Variants in MTR observed in about 807,000 individuals in gnomAD.
MTR encodes the protein 5-methyltetrahydrofolate-homocysteine methyltransferase.
MTR carries 84 observed loss-of-function variants against 154.8 expected under a neutral mutation model. The observed-to-expected ratio is 0.54, with a 90% CI of 0.45 to 0.65. The LOEUF (loss-of-function observed/expected upper bound fraction) is 0.65, where lower values mean the gene tolerates loss of function less well. MTR is among the 30% of genes least tolerant of loss of function. MTR has a pLI of 0.00. For missense variants in MTR, 1,275 were observed against 1,570.2 expected (o/e 0.81, Z 3.18); for synonymous variants, 554 against 553.9 (o/e 1.00, Z 0.00).
intron 20 of MTR, 80 bp downstream of exon 20, chr1:236,861,357 C>G: frequency 6.3e-7 from 1 of 1,593,072 alleles, no homozygotes; most frequent in Non-Finnish European, 8.6e-7. Context: ...GGATATATTT[C>G]TCAGGTTTTA....
chr1:236,803,640 A>G lies in MTR; in HGVS notation c.247A>G (p.Lys83Glu). The change falls in exon 2 of 33, where the codon AAG becomes GAG. Residue 83 changes from lysine (K) to glutamate (E), a missense_variant and splice_region_variant. Lys to Glu is a moderately conservative substitution (Grantham distance 56). Transcript: ENST00000366577. ...TQPDVIYQIH[K>E]EYLLAGADII... ...GCCTGATGTCATTTACCAAATCCATAAGGTAAAGTATTCCCAGGTTCCCAT... is the reference window on the plus strand; with the variant it reads ...GCCTGATGTCATTTACCAAATCCATGAGGTAAAGTATTCCCAGGTTCCCAT... 1 of 1,612,954 alleles carries G rather than the reference A, an allele frequency of 6.2e-7. No homozygotes were observed. The highest frequency in any genetic ancestry group is 8.5e-7 in the Non-Finnish European group (1 of 1,179,044).
chr1:236,795,323 G>A lies in MTR; in HGVS notation c.-381G>A, dbSNP rs1057139097. On this transcript the variant is annotated 5_prime_UTR_variant, in exon 1 of 33. The change abolishes an upstream ATG in the 5' untranslated region. Transcript: ENST00000366577. ...AACCGCGCTCTGAAAGGTTCTAAAT[G>A]TCTGCGGGGCTCAGAGCCGGATGTC... 2.4e-6 allele frequency: 3 copies of A among 1,274,084 alleles called. No homozygotes were observed. The highest frequency in any genetic ancestry group is 1.5e-5 in the African/African-American group (1 of 65,922). The allele number at this position is 1,274,084 out of a possible 1,614,324, so 78.9% of individuals were successfully genotyped here.
intron 18 of MTR, among the ~76,000 whole-genome samples, chr1:236,856,522 TTTC>T (rs1022782927): frequency 2.0e-5 from 3 of 152,008 alleles, no homozygotes; most frequent in South Asian, 2.1e-4. Context: ...TTTCTTTTTT[TTTC>T]TTCTTCTATT....
chr1:236,820,567 G>A, intron 8 of MTR: 4 of 531,616 alleles, frequency 7.5e-6, no homozygotes, highest in Non-Finnish European at 6.6e-6. Flanking sequence ...AAGGCTGATG[G>A]AAAATAAGCG....
intron 1 of MTR, among the ~76,000 whole-genome samples, chr1:236,798,764 T>C (rs995808888): frequency 2.0e-5 from 3 of 152,232 alleles, no homozygotes; most frequent in Non-Finnish European, 4.4e-5. Context: ...AGTAGTTAAG[T>C]ATACAGAATG....
intron 29 of MTR, among the ~76,000 whole-genome samples, chr1:236,893,378 AATTG>A (rs1666441026): frequency 6.6e-6 from 1 of 152,138 alleles, no homozygotes; most frequent in African/African-American, 2.4e-5. Context: ...CTCATTGATT[AATTG>A]ATCAGTCCTG....
At chr1:236,858,397 C>T (rs965547544) in intron 18 of MTR, among the ~76,000 whole-genome samples, 7 of 152,130 alleles carry the variant, frequency 4.6e-5, no homozygotes, top group African/African-American at 1.7e-4. Context: ...TGGGTCCCTC[C>T]CACGACGTGT....
At chr1:236,806,655 T>C (rs1166203432) in intron 3 of MTR, among the ~76,000 whole-genome samples, 1 of 152,176 alleles carries the variant, frequency 6.6e-6, no homozygotes, top group Non-Finnish European at 1.5e-5. Context: ...ACATTCACAG[T>C]ATTGTGCTAT....
chr1:236,848,063 A>T (rs540749991), intron 15 of MTR, among the ~76,000 whole-genome samples: 3 of 152,348 alleles, frequency 2.0e-5, no homozygotes, highest in South Asian at 4.1e-4. Flanking sequence ...GAGGTTGAGT[A>T]TCTGTTAATG....
chr1:236,892,646 G>T (rs571182252), intron 29 of MTR, among the ~76,000 whole-genome samples: 10 of 152,306 alleles, frequency 6.6e-5, no homozygotes, highest in Middle Eastern at 3.4e-3. Flanking sequence ...CTTACCATAT[G>T]CACTTAGGCT....
chr1:236,805,735 C>T lies in MTR; in HGVS notation c.250-409C>T, dbSNP rs764303525. Among the ~76,000 whole-genome samples the T allele has an allele frequency of 1.3e-4, 20 of 152,202 alleles. 1 individual carries two copies. In the Middle Eastern group the frequency reaches 0.014, roughly 104 times the overall value. Reference sequence around the variant, plus strand: ...CTGGTCTTGAACTCCTGGCCTCAAGCAGTCCTCTCACCTTGGCTTCCCAAA... The same window carrying T: ...CTGGTCTTGAACTCCTGGCCTCAAGTAGTCCTCTCACCTTGGCTTCCCAAA... On this transcript the variant is annotated intron_variant, in intron 2 of 32. Coordinates refer to ENST00000366577, the MANE Select transcript of MTR (RefSeq NM_000254.3).
In MTR at chr1:236,812,794, G is replaced by A. The variant is rs372174747; in HGVS notation, c.559G>A (p.Gly187Arg). 27 of 1,613,962 alleles carry A rather than the reference G, an allele frequency of 1.7e-5. No individual in the cohort carries two copies. Among genetic ancestry groups the A allele is most frequent in the African/African-American group, 4.0e-5 (3 of 74,898 alleles). ...QEQAKGLLDG[G>R]VDILLIETIF... is the part of the protein sequence containing the mutation. ...GCAGGCCAAAGGACTTCTGGATGGC[G>A]GGGTTGATATCTTACTCATTGAAAC... The change falls in exon 6 of 33, where the codon GGG becomes AGG. Residue 187 changes from glycine to arginine, a missense_variant. Transcript: ENST00000366577.
chr1:236,891,099 C>G (rs1422935760), intron 28 of MTR, 34 bp from the exon 29 acceptor site: 15 of 1,611,176 alleles, frequency 9.3e-6, no homozygotes, highest in East Asian at 2.2e-5. Flanking sequence ...TTTTTGGCAT[C>G]TTTAAGTGAA....
chr1:236,855,268 A>G (rs1348058538), intron 18 of MTR, among the ~76,000 whole-genome samples: 3 of 152,342 alleles, frequency 2.0e-5, no homozygotes, highest in South Asian at 4.1e-4. Context: ...TAGTGGGAAG[A>G]GTATAGCCTC....
Position 236,838,618 on chromosome 1 carries a change from C to T in MTR, c.1515+19C>T, listed in dbSNP as rs1340495400. On this transcript the variant is annotated intron_variant, in intron 15 of 32. Coordinates refer to ENST00000366577, the MANE Select transcript of MTR (RefSeq NM_000254.3). ...AGGACAGGTGAGTGGTTTCTTTTGG[C>T]CTAATCCATTGTGTTTCCCAGGTTA... is the stretch of plus-strand genomic sequence containing the variant. 1 of 1,613,550 alleles carries T rather than the reference C, an allele frequency of 6.2e-7. No homozygotes were observed. Among genetic ancestry groups the T allele is most frequent in the South Asian group, 1.1e-5 (1 of 91,026 alleles).
rs761632877 is a variant in MTR, at chr1:236,795,541, T to C, written c.-163T>C. On this transcript the variant is annotated 5_prime_UTR_variant, in exon 1 of 33. Coordinates refer to ENST00000366577, the MANE Select transcript of MTR (RefSeq NM_000254.3). ...CCTAGGGCGCTGCGGGCTTTCGGGGTCCGCAGTCCCCCCGCGACGCGAGCC... is the reference window on the plus strand; with the variant it reads ...CCTAGGGCGCTGCGGGCTTTCGGGGCCCGCAGTCCCCCCGCGACGCGAGCC... The C allele has an allele frequency of 2.0e-6, 3 of 1,534,260 alleles. No individual in the cohort carries two copies. Among genetic ancestry groups the C allele is most frequent in the Admixed American group, 2.0e-5 (1 of 51,232 alleles).
In MTR at chr1:236,838,791, T is replaced by C. The variant is rs1001768006; in HGVS notation, c.1515+192T>C. ...GATGTGTTACTTAACAATGGAGATA[T>C]GGTCTGAGAAATACATCATTAGGTG... On this transcript the variant is annotated intron_variant, in intron 15 of 32. Transcript: ENST00000366577. 5.6e-4 allele frequency among the ~76,000 whole-genome samples: 86 copies of C among 152,244 alleles called. 1 individual carries two copies. Among genetic ancestry groups the C allele is most frequent in the Non-Finnish European group, 8.8e-5 (6 of 68,054 alleles).
rs548902637 is a variant in MTR, at chr1:236,871,125, C to T, written c.2406-2648C>T. The stretch of plus-strand genomic sequence containing the variant: ...CTCTTCGCTCAGTAAAACTCAGAGC[C>T]CTTGTAGTGGTCTGCAAGGCCCTTG... On this transcript the variant is annotated intron_variant, in intron 22 of 32. Coordinates refer to ENST00000366577, the MANE Select transcript of MTR (RefSeq NM_000254.3). Among the ~76,000 whole-genome samples, 3 of 152,310 alleles carry T rather than the reference C, an allele frequency of 2.0e-5. No individual in the cohort carries two copies. In the East Asian group the frequency reaches 5.8e-4, roughly 29 times the overall value.
At chr1:236,861,301 T>G (rs1664531609) in intron 20 of MTR, 24 bp downstream of exon 20, 2 of 1,613,650 alleles carry the variant, frequency 1.2e-6, no homozygotes, top group Non-Finnish European at 1.7e-6. Context: ...GGGGAGAAAT[T>G]TTCACAGTTG....
Sources: allele counts gnomAD v4.1 joint callset (sites outside exome capture counted in the v4.1 genomes callset), GRCh38; gene constraint gnomAD v4.1.1; transcripts MANE v1.5; gene names NCBI Gene and HGNC (gene_info 2026-07-23, HGNC 2026-07-21).